LY96: variants seen among roughly 807,000 people sequenced by gnomAD.
The protein encoded by LY96 is lymphocyte antigen 96, also known as myeloid differentiation protein-2.
LY96 carries 18 observed loss-of-function variants against 18.9 expected under a neutral mutation model. That is an observed-to-expected ratio of 0.95 (90% CI 0.66 to 1.41). The LOEUF (loss-of-function observed/expected upper bound fraction) is 1.41. LY96 is among the 40% of genes most tolerant of loss of function. The probability of loss-of-function intolerance (pLI) is 0.00; values close to 1 mark genes in which losing one functional copy is unlikely to be tolerated. For missense variants in LY96, 175 were observed against 182.4 expected, an observed-to-expected ratio of 0.96 and a Z score of 0.23; for synonymous variants, 66 against 62.6, an observed-to-expected ratio of 1.06 and a Z score of -0.26.
Position 74,001,976 on chromosome 8 carries a change from TTCCC to T in LY96, c.113-2804_113-2801del, listed in dbSNP as rs71269969. ...CTTCCTTCCTTCCTTCCTTCCTTCC[TTCCC>T]TCCCTCCCTCCCTCCTTTCTTCCTT... On this transcript the variant is annotated intron_variant, in intron 1 of 4. Coordinates refer to ENST00000284818, the MANE Select transcript of LY96 (RefSeq NM_015364.5). Among the ~76,000 whole-genome samples, 13 of 73,870 alleles carry T rather than the reference TTCCC, an allele frequency of 1.8e-4. 1 individual carries two copies. Among genetic ancestry groups the T allele is most frequent in the Non-Finnish European group, 2.8e-4 (10 of 35,150 alleles). The allele number at this position is 73,870 out of a possible 152,430, so 48.5% of individuals were successfully genotyped here. A position where few individuals can be genotyped will look rare whatever the true frequency, so the allele number is the denominator to read the frequency against.
At chr8:74,048,922 G>C in the LY96 span, 4 of 152,288 alleles carry the variant, frequency 2.6e-5, no homozygotes, top group African/African-American at 9.6e-5. Context: ...GAATGAACTT[G>C]GTTATGTGGC....
the LY96 span, among the ~76,000 whole-genome samples, chr8:74,080,821 A>C: frequency 6.6e-6 from 1 of 152,172 alleles, no homozygotes; most frequent in Non-Finnish European, 1.5e-5. Context: ...ACTCCTGGGA[A>C]TAAAAGCTCG....
the LY96 span, among the ~76,000 whole-genome samples, chr8:74,097,749 T>C: frequency 1.3e-5 from 2 of 151,736 alleles, no homozygotes; most frequent in East Asian, 1.9e-4. Flanking sequence ...AGTAAATAGA[T>C]AAATAAATAA....
chr8:74,085,032 C>A, the LY96 span, among the ~76,000 whole-genome samples: 1 of 152,200 alleles, frequency 6.6e-6, no homozygotes, highest in African/African-American at 2.4e-5. Flanking sequence ...GATAGACTTT[C>A]TGTTTAACTT....
At chr8:74,004,493 C>G (rs1308348376) in intron 1 of LY96, among the ~76,000 whole-genome samples, 1 of 152,200 alleles carries the variant, frequency 6.6e-6, no homozygotes, top group Non-Finnish European at 1.5e-5. Flanking sequence ...AGTCTCCCTA[C>G]TGGCTTTGTT....
At chr8:74,009,928 T>C (rs1816494994) in intron 2 of LY96, 73 bp from the exon 3 acceptor site, 3 of 1,111,828 alleles carry the variant, frequency 2.7e-6, no homozygotes, top group East Asian at 2.4e-5. Context: ...CTTTTAACTA[T>C]ACAATAAATG....
intron 1 of LY96, among the ~76,000 whole-genome samples, chr8:73,996,368 C>CCTTCATTT (rs1816132646): frequency 3.2e-5 from 2 of 62,474 alleles, no homozygotes; most frequent in African/African-American, 5.2e-5. Context: ...TTCCTTCCTT[C>CCTTCATTT]ATTCCTTTCT....
At chr8:74,050,116 ATGGATCACCTGAGGTCAGGAGC>A in the LY96 span, among the ~76,000 whole-genome samples, 1 of 152,174 alleles carries the variant, frequency 6.6e-6, no homozygotes, top group East Asian at 1.9e-4. Context: ...GCTGAGGCAC[ATGGATCACCTGAGGTCAGGAGC>A]TGGAGACCAG....
At chr8:74,053,077 C>T in the LY96 span, among the ~76,000 whole-genome samples, 1 of 152,152 alleles carries the variant, frequency 6.6e-6, no homozygotes, top group Non-Finnish European at 1.5e-5. Flanking sequence ...CTCCACATGT[C>T]AAAAATGGAA....
the LY96 span, among the ~76,000 whole-genome samples, chr8:74,067,610 C>T: frequency 5.3e-5 from 8 of 152,036 alleles, no homozygotes; most frequent in Admixed American, 1.3e-4. Flanking sequence ...GAGAGGACCA[C>T]CCCAATTTAA....
the LY96 span, among the ~76,000 whole-genome samples, chr8:74,081,574 A>G: frequency 6.6e-6 from 1 of 151,550 alleles, no homozygotes; most frequent in Non-Finnish European, 1.5e-5. Context: ...TGAAATTTTT[A>G]GTAGGGATGA....
At chr8:74,074,819 T>G in the LY96 span, among the ~76,000 whole-genome samples, 6 of 152,364 alleles carry the variant, frequency 3.9e-5, no homozygotes, top group African/African-American at 1.4e-4. Context: ...TATTGATTTC[T>G]AGTTTTATTC....
the LY96 span, among the ~76,000 whole-genome samples, chr8:74,076,380 A>G: frequency 1.3e-5 from 2 of 151,410 alleles, no homozygotes; most frequent in East Asian, 1.9e-4. Flanking sequence ...CTGGAGTGCA[A>G]TGGTGCAATC....
chr8:74,032,372 G>A (rs145204313), downstream of LY96, among the ~76,000 whole-genome samples: 3 of 152,202 alleles, frequency 2.0e-5, no homozygotes, highest in South Asian at 4.1e-4. Context: ...CAGACAGCCC[G>A]GCGTGCTGCG....
At chr8:74,017,126 AC>A (rs1816660638) in intron 3 of LY96, among the ~76,000 whole-genome samples, 1 of 152,338 alleles carries the variant, frequency 6.6e-6, no homozygotes, top group South Asian at 2.1e-4. Flanking sequence ...GGATGTTCGA[AC>A]CCATCGCAAG....
At chr8:74,061,464 G>C in the LY96 span, among the ~76,000 whole-genome samples, 1 of 152,166 alleles carries the variant, frequency 6.6e-6, no homozygotes, top group Non-Finnish European at 1.5e-5. Flanking sequence ...TAACAGAAAT[G>C]AATTTTCGGG....
chr8:74,077,366 G>T, the LY96 span, among the ~76,000 whole-genome samples: 6 of 152,152 alleles, frequency 3.9e-5, no homozygotes, highest in African/African-American at 7.2e-5. Flanking sequence ...GGAGTTTTGT[G>T]CCAGGAACCA....
chr8:74,077,731 A>G, the LY96 span, among the ~76,000 whole-genome samples: 1 of 151,882 alleles, frequency 6.6e-6, no homozygotes, highest in Non-Finnish European at 1.5e-5. Context: ...ATATGTAAAA[A>G]TTAAATATAT....
intron 3 of LY96, among the ~76,000 whole-genome samples, chr8:74,025,516 G>T (rs146552109): frequency 9.1e-4 from 139 of 152,032 alleles, no homozygotes; most frequent in African/African-American, 3.0e-3. Flanking sequence ...TTCGCCAGGC[G>T]TAGTGGTGGG....
Sources: allele counts gnomAD v4.1 joint callset (sites outside exome capture counted in the v4.1 genomes callset), GRCh38; gene constraint gnomAD v4.1.1; transcripts MANE v1.5; gene names NCBI Gene and HGNC (gene_info 2026-07-23, HGNC 2026-07-21).